Variants in C5 observed in about 807,000 individuals in gnomAD.
C5 encodes complement C5, also known as C3 and PZP-like alpha-2-macroglobulin domain-containing protein 4.
Under a neutral mutation model 218.8 loss-of-function variants are expected in C5, and 140 were observed. The ratio of observed to expected loss-of-function variants is 0.64; its 90% CI spans 0.56 to 0.74. The LOEUF (loss-of-function observed/expected upper bound fraction) is 0.74. Among genes scored for constraint, C5 ranks in the 30% least tolerant of loss-of-function variants. The probability of loss-of-function intolerance (pLI) is 0.00; values close to 1 mark genes in which losing one functional copy is unlikely to be tolerated. For missense variants in C5, 1,700 were observed against 1,969.6 expected, an observed-to-expected ratio of 0.86 and a Z score of 2.59; for synonymous variants, 614 against 682.3, an observed-to-expected ratio of 0.90 and a Z score of 1.56.
At chr9:121,069,234 T>C in the C5 span, among the ~76,000 whole-genome samples, 1 of 152,082 alleles carries the variant, frequency 6.6e-6, no homozygotes, top group African/African-American at 2.4e-5. Flanking sequence ...GGAGAAAATA[T>C]TTGCAAACTA....
At chr9:121,074,065 G>A in the C5 span, among the ~76,000 whole-genome samples, 2 of 152,156 alleles carry the variant, frequency 1.3e-5, no homozygotes, top group Non-Finnish European at 2.9e-5. Flanking sequence ...GGTCTTTTGA[G>A]CAGGCACGCT....
chr9:121,007,030 C>A, intron 18 of C5, 53 bp from the exon 19 acceptor site: 1 of 1,338,084 alleles, frequency 7.5e-7, no homozygotes, highest in Non-Finnish European at 1.1e-6. Context: ...ATTAACCCAA[C>A]TTAACAGAGA....
intron 11 of C5, 40 bp from the exon 12 acceptor site, chr9:121,020,219 G>A (rs373685836): frequency 1.5e-6 from 2 of 1,341,638 alleles, no homozygotes; most frequent in Non-Finnish European, 2.1e-6. Flanking sequence ...ATACTGTGAT[G>A]TAATGCTTTC....
chr9:121,023,269 A>T, intron 10 of C5, 135 bp downstream of exon 10: 1 of 737,466 alleles, frequency 1.4e-6, no homozygotes. Flanking sequence ...GTCCACCAGG[A>T]GGGGCAGGTT....
Position 120,982,768 on chromosome 9 carries a change from C to T in C5, c.3277G>A (p.Val1093Ile), listed in dbSNP as rs371131390. 30 of 1,600,442 alleles carry T rather than the reference C, an allele frequency of 1.9e-5. No individual in the cohort carries two copies. The highest frequency in any genetic ancestry group is 1.0e-4 in the Admixed American group (6 of 59,926). ...LRVLGQVNKY[V>I]EQNQNSICNS... Reference sequence around the variant, plus strand: ...CAAATTGAATTTTGGTTCTGCTCTACGTATTTATTTACTTGTCCAAGTACT... The same window carrying T: ...CAAATTGAATTTTGGTTCTGCTCTATGTATTTATTTACTTGTCCAAGTACT... Residue 1093 changes from valine (V) to isoleucine (I), a missense_variant, in exon 26 of 41, where the codon GTA (valine) becomes ATA (isoleucine). Coordinates refer to ENST00000223642, the MANE Select transcript of C5 (RefSeq NM_001735.3).
At chr9:121,025,224 G>C (rs2047409364) in intron 9 of C5, among the ~76,000 whole-genome samples, 2 of 152,116 alleles carry the variant, frequency 1.3e-5, no homozygotes, top group African/African-American at 4.8e-5. Context: ...AGTAGAAGTG[G>C]AGGTAATAGG....
At chr9:121,012,917 C>T (rs890222374) in intron 17 of C5, among the ~76,000 whole-genome samples, 1 of 152,104 alleles carries the variant, frequency 6.6e-6, no homozygotes, top group Non-Finnish European at 1.5e-5. Flanking sequence ...TATTATAATC[C>T]TATAGGATCA....
intron 20 of C5, among the ~76,000 whole-genome samples, chr9:121,004,700 G>C (rs1284963575): frequency 6.6e-6 from 1 of 151,998 alleles, no homozygotes; most frequent in African/African-American, 2.4e-5. Context: ...TTGAACAGGG[G>C]AGGAGGAGTT....
intron 14 of C5, among the ~76,000 whole-genome samples, chr9:121,016,833 A>G (rs569810490): frequency 2.6e-4 from 40 of 152,342 alleles, no homozygotes; most frequent in Admixed American, 1.6e-3. Context: ...TTGTTTGGAC[A>G]GGCTTATTCG....
chr9:121,015,084 T>C, intron 16 of C5, 115 bp downstream of exon 16: 4 of 718,726 alleles, frequency 5.6e-6, no homozygotes, highest in Non-Finnish European at 7.3e-6. Flanking sequence ...TCCATACATA[T>C]CTTTCTTTTC....
At chr9:121,025,944 C>T (rs2047418195) in intron 8 of C5, 3 of 188,548 alleles carry the variant, frequency 1.6e-5, no homozygotes, top group Admixed American at 5.6e-5. Flanking sequence ...ATTTGTACTT[C>T]ACTGCTTACA....
rs2047316765 is a variant in C5, at chr9:121,017,414, A to G, written c.1814T>C (p.Val605Ala). The G allele has an allele frequency of 6.2e-7, 1 of 1,613,996 alleles. No homozygotes were observed. The highest frequency in any genetic ancestry group is 8.5e-7 in the Non-Finnish European group (1 of 1,179,994). ...GMDSWVALAAVDSAVYGVQRG... is the reference protein window; with the variant it reads ...GMDSWVALAAADSAVYGVQRG... ...TTGGACTCCATACACAGCACTGTCC[A>G]CTGCTGCTAATGCCACCCAGGAATC... Residue 605 changes from valine (V) to alanine (A), a missense_variant, in exon 14 of 41, where the codon GTG (valine) becomes GCG (alanine). By Grantham distance (64) the Val-to-Ala change is moderately conservative. Coordinates refer to ENST00000223642, the MANE Select transcript of C5 (RefSeq NM_001735.3).
intron 1 of C5, among the ~76,000 whole-genome samples, chr9:121,048,051 C>G (rs1289458227): frequency 6.6e-6 from 1 of 152,026 alleles, no homozygotes; most frequent in East Asian, 1.9e-4. Context: ...CTATAATTCA[C>G]AAATTATAGA....
At chr9:120,979,965 T>C in intron 28 of C5, 118 bp downstream of exon 28, 2 of 827,500 alleles carry the variant, frequency 2.4e-6, no homozygotes, top group Non-Finnish European at 4.2e-6. Flanking sequence ...GACGGTTTGT[T>C]CCTTGAGGAC....
intron 31 of C5, among the ~76,000 whole-genome samples, 198 bp from the exon 32 acceptor site, chr9:120,970,449 A>C (rs1216795457): frequency 6.6e-6 from 1 of 152,216 alleles, no homozygotes; most frequent in African/African-American, 2.4e-5. Flanking sequence ...GAGAGGCCCA[A>C]AGTAAGCAAA....
At chr9:121,044,384 G>A (rs1012344004) in intron 2 of C5, among the ~76,000 whole-genome samples, 6 of 152,176 alleles carry the variant, frequency 3.9e-5, no homozygotes, top group Non-Finnish European at 5.9e-5. Flanking sequence ...GCTGAGGTGG[G>A]AGAATTGCTT....
rs748041485 is a variant in C5 at position 121,025,417 on chromosome 9, T to TACACAC, written c.1000+36_1000+37insGTGTGT. 8.0e-4 allele frequency: 153 copies of TACACAC among 191,070 alleles called. 2 individuals carry two copies. In the South Asian group the frequency reaches 0.011, roughly 14 times the overall value. The allele number at this position is 191,070 out of a possible 1,614,324, so 11.8% of individuals were successfully genotyped here. ...TGTCTAAATATTTTTCAAAAGAAAGTATACACACACACACACACACACACA... is the reference window on the plus strand; with the variant it reads ...TGTCTAAATATTTTTCAAAAGAAAGTACACACATACACACACACACACACACACACA... On this transcript the variant is annotated intron_variant, in intron 9 of 40. Coordinates refer to ENST00000223642, the MANE Select transcript of C5 (RefSeq NM_001735.3).
chr9:121,056,797 A>C, the C5 span, among the ~76,000 whole-genome samples: 13 of 152,122 alleles, frequency 8.5e-5, no homozygotes, highest in Non-Finnish European at 1.9e-4. Flanking sequence ...GAGAGAGAAA[A>C]ATTGGGATAG....
At chr9:121,008,277 A>G in intron 18 of C5, 131 bp downstream of exon 18, 1 of 718,556 alleles carries the variant, frequency 1.4e-6, no homozygotes, top group African/African-American at 1.8e-5. Context: ...AACAAAACAA[A>G]ATTTGATCAA....
Sources: allele counts gnomAD v4.1 joint callset (sites outside exome capture counted in the v4.1 genomes callset), GRCh38; gene constraint gnomAD v4.1.1; transcripts MANE v1.5; gene names NCBI Gene and HGNC (gene_info 2026-07-23, HGNC 2026-07-21).